The following KCNIP4 variants were observed in gnomAD, a reference collection of about 807,000 sequenced individuals.
KCNIP4 encodes the protein Kv channel-interacting protein 4.
In KCNIP4, 12 loss-of-function variants were observed where a neutral mutation model predicts 34.0. That is an observed-to-expected ratio of 0.35 (90% CI 0.23 to 0.57). The LOEUF (loss-of-function observed/expected upper bound fraction) is 0.57, where lower values mean the gene tolerates loss of function less well. Among genes scored for constraint, KCNIP4 ranks in the 20% least tolerant of loss-of-function variants. The pLI is 0.83. For missense variants in KCNIP4, 238 were observed against 311.7 expected (o/e 0.76, Z 1.78); for synonymous variants, 124 against 102.2 (o/e 1.21, Z -1.29).
chr4:21,802,507 C>G (rs1721060511), intron 1 of KCNIP4, among the ~76,000 whole-genome samples: 1 of 151,872 alleles, frequency 6.6e-6, no homozygotes, highest in South Asian at 2.1e-4. Flanking sequence ...GATAAGAAAA[C>G]AAAGGCCAAA....
chr4:21,472,446 G>A (rs544962479), intron 1 of KCNIP4, among the ~76,000 whole-genome samples: 2 of 152,094 alleles, frequency 1.3e-5, no homozygotes, highest in Non-Finnish European at 2.9e-5. Context: ...TGTGTGTGTG[G>A]GGGGGTTAAT....
intron 1 of KCNIP4, among the ~76,000 whole-genome samples, chr4:21,713,624 C>T (rs983363306): frequency 6.6e-6 from 1 of 152,162 alleles, no homozygotes; most frequent in Non-Finnish European, 1.5e-5. Flanking sequence ...GTCCTCTCTT[C>T]TAGCAATTTT....
intron 1 of KCNIP4, among the ~76,000 whole-genome samples, chr4:20,970,230 C>T (rs562715425): frequency 3.9e-5 from 6 of 152,110 alleles, no homozygotes; most frequent in Admixed American, 1.3e-4. Flanking sequence ...TGTGAGCCAC[C>T]GCGCCCGGCC....
At chr4:21,770,632 A>G (rs767538583) in intron 1 of KCNIP4, among the ~76,000 whole-genome samples, 4 of 152,026 alleles carry the variant, frequency 2.6e-5, no homozygotes, top group Admixed American at 6.6e-5. Context: ...TGACTTTTTA[A>G]TTACCGCCAT....
intron 1 of KCNIP4, among the ~76,000 whole-genome samples, chr4:21,514,836 A>G (rs769239008): frequency 6.6e-6 from 1 of 152,190 alleles, no homozygotes; most frequent in South Asian, 2.1e-4. Context: ...CAAGGAAAGC[A>G]TCACTATCTA....
At chr4:20,996,438 C>G (rs564930165) in intron 1 of KCNIP4, among the ~76,000 whole-genome samples, 5 of 152,182 alleles carry the variant, frequency 3.3e-5, no homozygotes, top group Non-Finnish European at 7.3e-5. Flanking sequence ...TGTCCCACAC[C>G]TCCTCATCAC....
intron 1 of KCNIP4, among the ~76,000 whole-genome samples, chr4:21,098,631 GA>G (rs921648812): frequency 2.6e-5 from 4 of 151,084 alleles, no homozygotes; most frequent in East Asian, 1.9e-4. Context: ...CTACTGTTCA[GA>G]AAAAAAAAGA....
At chr4:21,796,257 T>C (rs1180989218) in intron 1 of KCNIP4, among the ~76,000 whole-genome samples, 1 of 152,136 alleles carries the variant, frequency 6.6e-6, no homozygotes, top group Non-Finnish European at 1.5e-5. Context: ...TCTTTCTCAA[T>C]TATCTATAGC....
At chr4:21,555,699 G>A (rs1738953267) in intron 1 of KCNIP4, among the ~76,000 whole-genome samples, 1 of 152,088 alleles carries the variant, frequency 6.6e-6, no homozygotes, top group South Asian at 2.1e-4. Flanking sequence ...AGTTCAGGTA[G>A]ATTTCTTTGT....
intron 1 of KCNIP4, among the ~76,000 whole-genome samples, chr4:21,261,690 T>A (rs1761481360): frequency 6.6e-6 from 1 of 152,202 alleles, no homozygotes; most frequent in Non-Finnish European, 1.5e-5. Context: ...ATTCTCTCCC[T>A]CATACACCTA....
intron 1 of KCNIP4, among the ~76,000 whole-genome samples, chr4:21,336,024 A>G (rs915027415): frequency 3.9e-5 from 6 of 152,062 alleles, no homozygotes; most frequent in African/African-American, 1.4e-4. Context: ...TGTGGATGTT[A>G]CCCTATGTAA....
intron 1 of KCNIP4, among the ~76,000 whole-genome samples, chr4:21,104,169 C>T (rs1748253171): frequency 7.4e-6 from 1 of 135,514 alleles, no homozygotes. Context: ...CACTGTCTTC[C>T]ACAATGGTTG....
chr4:21,263,968 CGTGTGTGT>C lies in KCNIP4; in HGVS notation c.62-381267_62-381260del, dbSNP rs375296925. 2.0e-5 allele frequency among the ~76,000 whole-genome samples: 3 copies of C among 148,304 alleles called. No individual in the cohort carries two copies. In the East Asian group the frequency reaches 5.9e-4, roughly 29 times the overall value. ...CCATGCCCAGCCCAATATATATATA[CGTGTGTGT>C]GTGTGTGTGTGTGTGTATCCTTATC... On this transcript the variant is annotated intron_variant, in intron 1 of 8. Transcript: ENST00000382152.
In KCNIP4 at chr4:21,247,988, C is replaced by T. The variant is rs943711217; in HGVS notation, c.62-365279G>A. Among the ~76,000 whole-genome samples the T allele has an allele frequency of 2.2e-4, 24 of 111,256 alleles. No homozygotes were observed. In the South Asian group the frequency reaches 4.6e-3, roughly 21 times the overall value. The allele number at this position is 111,256 out of a possible 152,430, so 73.0% of individuals were successfully genotyped here. A position where few individuals can be genotyped will look rare whatever the true frequency, so the allele number is the denominator to read the frequency against. On this transcript the variant is annotated intron_variant, in intron 1 of 8. Transcript: ENST00000382152. ...ATACACACACATATATATATACACACACACACACACACACACCCCCCACAG... is the reference window on the plus strand; with the variant it reads ...ATACACACACATATATATATACACATACACACACACACACACCCCCCACAG...
chr4:20,974,726 TACTAA>T (rs896397606), intron 1 of KCNIP4, among the ~76,000 whole-genome samples: 4 of 152,234 alleles, frequency 2.6e-5, no homozygotes, highest in Admixed American at 2.0e-4. Context: ...CCAGGCAATT[TACTAA>T]ACTAATTTTT....
intron 1 of KCNIP4, among the ~76,000 whole-genome samples, chr4:21,205,787 G>A (rs1156331787): frequency 6.6e-6 from 1 of 152,210 alleles, no homozygotes; most frequent in African/African-American, 2.4e-5. Flanking sequence ...AAGCCAGGCG[G>A]TCTGTCTCCC....
intron 1 of KCNIP4, among the ~76,000 whole-genome samples, chr4:21,858,926 G>A (rs1256025020): frequency 6.6e-5 from 10 of 152,180 alleles, no homozygotes; most frequent in Non-Finnish European, 1.3e-4. Flanking sequence ...TCCAAATTTA[G>A]AAAACACAGG....
chr4:20,884,893 G>C (rs1725115018), intron 1 of KCNIP4, among the ~76,000 whole-genome samples: 1 of 151,980 alleles, frequency 6.6e-6, no homozygotes, highest in South Asian at 2.1e-4. Flanking sequence ...TAGAGACAGG[G>C]CTTTGCCATC....
intron 1 of KCNIP4, among the ~76,000 whole-genome samples, chr4:21,110,046 G>T (rs1395061517): frequency 6.6e-6 from 1 of 152,150 alleles, no homozygotes; most frequent in African/African-American, 2.4e-5. Context: ...ACAATTGCCT[G>T]CTCTACTATT....
Sources: allele counts gnomAD v4.1 joint callset (sites outside exome capture counted in the v4.1 genomes callset), GRCh38; gene constraint gnomAD v4.1.1; transcripts MANE v1.5; gene names NCBI Gene and HGNC (gene_info 2026-07-23, HGNC 2026-07-21).